Variants in TUSC3 observed in about 807,000 individuals in gnomAD.
TUSC3 encodes the protein tumor suppressor candidate 3, also known as dolichyl-diphosphooligosaccharide--protein glycosyltransferase subunit TUSC3.
Under a neutral mutation model 44.8 loss-of-function variants are expected in TUSC3, and 45 were observed. The observed-to-expected ratio is 1.00, with a 90% CI of 0.79 to 1.29. The LOEUF is 1.29. Ranked by LOEUF, TUSC3 falls within the 50% of genes most tolerant of loss-of-function variation. TUSC3 has a pLI of 0.00. For missense variants in TUSC3, 519 were observed against 437.9 expected, an observed-to-expected ratio of 1.19 and a Z score of -1.65; for synonymous variants, 212 against 152.9, an observed-to-expected ratio of 1.39 and a Z score of -2.85.
intron 2 of TUSC3, among the ~76,000 whole-genome samples, chr8:15,494,954 G>T (rs1401822608): frequency 6.6e-6 from 1 of 152,066 alleles, no homozygotes; most frequent in East Asian, 1.9e-4. Context: ...CAAAAACATT[G>T]TGTCCATGTG....
At chr8:15,425,507 G>C (rs968086062) in intron 1 of TUSC3, among the ~76,000 whole-genome samples, 2 of 152,218 alleles carry the variant, frequency 1.3e-5, no homozygotes, top group African/African-American at 2.4e-5. Context: ...AGGCAAGAGA[G>C]ATGGTTTTTC....
At chr8:15,660,080 A>G (rs984304095) in intron 4 of TUSC3, among the ~76,000 whole-genome samples, 3 of 152,108 alleles carry the variant, frequency 2.0e-5, no homozygotes, top group Non-Finnish European at 4.4e-5. Flanking sequence ...GTGTAACCAT[A>G]CTAATAGCAT....
chr8:15,818,256 G>A, the TUSC3 span, among the ~76,000 whole-genome samples: 1 of 152,168 alleles, frequency 6.6e-6, no homozygotes, highest in African/African-American at 2.4e-5. Context: ...TAGTGATGGA[G>A]AGAGCGTGTA....
chr8:15,808,652 T>A, the TUSC3 span, among the ~76,000 whole-genome samples: 1 of 152,262 alleles, frequency 6.6e-6, no homozygotes. Flanking sequence ...CTTTTATAGT[T>A]CCCAGGAGTA....
chr8:15,793,118 C>G, the TUSC3 span, among the ~76,000 whole-genome samples: 1 of 151,990 alleles, frequency 6.6e-6, no homozygotes, highest in Non-Finnish European at 1.5e-5. Flanking sequence ...ATGTAAGGTC[C>G]CTCTTTCCAC....
chr8:15,571,236 G>C (rs886826778), intron 1 of TUSC3, among the ~76,000 whole-genome samples: 1 of 151,924 alleles, frequency 6.6e-6, no homozygotes, highest in Non-Finnish European at 1.5e-5. Flanking sequence ...TTACAGGCGT[G>C]AGCCGCTGCT....
intron 2 of TUSC3, among the ~76,000 whole-genome samples, chr8:15,639,129 C>T (rs75806260): frequency 0.18 from 26,698 of 147,950 alleles, 2,400 homozygotes; most frequent in Middle Eastern, 0.26. Flanking sequence ...TGCTAGATCA[C>T]GTGATGTTCA....
At chr8:15,656,558 C>T (rs931658011) in intron 3 of TUSC3, among the ~76,000 whole-genome samples, 6 of 152,122 alleles carry the variant, frequency 3.9e-5, no homozygotes, top group Non-Finnish European at 5.9e-5. Context: ...CACACTGGGG[C>T]AAAGGTTGAA....
chr8:15,509,406 C>T (rs368968267), intron 2 of TUSC3, among the ~76,000 whole-genome samples: 35 of 152,186 alleles, frequency 2.3e-4, no homozygotes, highest in African/African-American at 7.9e-4. Context: ...GTCAAGTGTT[C>T]GAAACCAGCC....
At chr8:15,549,681 C>G (rs1306880697) in intron 1 of TUSC3, among the ~76,000 whole-genome samples, 2 of 151,370 alleles carry the variant, frequency 1.3e-5, no homozygotes, top group African/African-American at 4.8e-5. Context: ...CTGATTGGTC[C>G]ATGTTTTTTA....
At chr8:15,639,461 A>G (rs1210985684) in intron 2 of TUSC3, among the ~76,000 whole-genome samples, 1 of 152,216 alleles carries the variant, frequency 6.6e-6, no homozygotes, top group Admixed American at 6.5e-5. Context: ...GATCATACAA[A>G]ACGGTGCTTT....
At chr8:15,604,253 T>G (rs777212540) in intron 1 of TUSC3, among the ~76,000 whole-genome samples, 1 of 151,560 alleles carries the variant, frequency 6.6e-6, no homozygotes, top group South Asian at 2.1e-4. Flanking sequence ...TAAAGATAGA[T>G]TTGAGAAAAA....
intron 6 of TUSC3, among the ~76,000 whole-genome samples, chr8:15,683,628 T>A (rs867330616): frequency 1.3e-5 from 2 of 152,274 alleles, no homozygotes; most frequent in Middle Eastern, 3.4e-3. Context: ...TGAATTTATA[T>A]CTTTAATTTC....
chr8:15,832,311 T>C, the TUSC3 span, among the ~76,000 whole-genome samples: 2 of 152,172 alleles, frequency 1.3e-5, no homozygotes, highest in African/African-American at 4.8e-5. Flanking sequence ...GAAAGACTGT[T>C]ACCAAAAACA....
At chr8:15,460,627 T>C (rs569072904) in intron 1 of TUSC3, among the ~76,000 whole-genome samples, 4 of 152,302 alleles carry the variant, frequency 2.6e-5, no homozygotes, top group Non-Finnish European at 5.9e-5. Context: ...GAAGGGTTTT[T>C]CCAATATTAT....
intron 1 of TUSC3, among the ~76,000 whole-genome samples, chr8:15,555,469 T>C (rs1802226570): frequency 6.6e-6 from 1 of 150,454 alleles, no homozygotes; most frequent in African/African-American, 2.4e-5. Flanking sequence ...GCTAGTTTTT[T>C]TGTATTGTAG....
chr8:15,602,632 C>T (rs1171540337), intron 1 of TUSC3, among the ~76,000 whole-genome samples: 1 of 150,272 alleles, frequency 6.7e-6, no homozygotes, highest in African/African-American at 2.4e-5. Flanking sequence ...AATAGGTGCT[C>T]TCTCTTTGGG....
chr8:15,562,048 G>T (rs1802494235), intron 1 of TUSC3, among the ~76,000 whole-genome samples: 1 of 152,090 alleles, frequency 6.6e-6, no homozygotes, highest in Admixed American at 6.5e-5. Flanking sequence ...CAATTTTTAA[G>T]TAGGCCTTCA....
At chr8:15,582,476 A>G (rs1449108693) in intron 1 of TUSC3, among the ~76,000 whole-genome samples, 3 of 152,212 alleles carry the variant, frequency 2.0e-5, no homozygotes, top group Non-Finnish European at 4.4e-5. Context: ...TTTGAATATC[A>G]ACACTTAATA....
Sources: gnomAD v4.1 joint callset for allele counts (sites outside exome capture counted in the v4.1 genomes callset) on GRCh38, gnomAD v4.1.1 for gene constraint, MANE v1.5 for transcripts, NCBI Gene and HGNC (gene_info 2026-07-23, HGNC 2026-07-21) for gene names.